The following IER3IP1 variants were observed in gnomAD, a reference collection of about 807,000 sequenced individuals.
IER3IP1 encodes immediate early response 3-interacting protein 1.
Under a neutral mutation model 12.2 loss-of-function variants are expected in IER3IP1, and 16 were observed. The ratio of observed to expected loss-of-function variants is 1.31; its 90% CI spans 0.89 to 1.99. The LOEUF (loss-of-function observed/expected upper bound fraction) is 1.99. Ranked by LOEUF, IER3IP1 falls within the 30% of genes most tolerant of loss-of-function variation. IER3IP1 has a pLI of 0.00. For missense variants in IER3IP1, 95 were observed against 95.8 expected (o/e 0.99, Z 0.03); for synonymous variants, 42 against 40.0 (o/e 1.05, Z -0.19).
Position 47,156,167 on chromosome 18 carries a change from C to A in IER3IP1, c.*10G>T, listed in dbSNP as rs1237026027. The A allele has an allele frequency of 6.7e-7, 1 of 1,490,522 alleles. No individual in the cohort carries two copies. Among genetic ancestry groups the A allele is most frequent in the Non-Finnish European group, 9.4e-7 (1 of 1,067,676 alleles). 92.3% of individuals were successfully genotyped at this position (1,490,522 alleles called of 1,614,324 possible). A position where few individuals can be genotyped will look rare whatever the true frequency, so the allele number is the denominator to read the frequency against. ...GTCCTCTTCTGAGTCTCCATTTTCT[C>A]CACTGATATTCATCCAAATAATAAA... is the stretch of plus-strand genomic sequence containing the variant. On this transcript the variant is annotated 3_prime_UTR_variant, in exon 3 of 3. Transcript: ENST00000256433.
intron 1 of IER3IP1, among the ~76,000 whole-genome samples, chr18:47,168,125 C>CAAAAAAAAAAAA (rs1161198067): frequency 7.9e-5 from 2 of 25,162 alleles, no homozygotes; most frequent in African/African-American, 3.4e-4. Flanking sequence ...GACTCCGTCT[C>CAAAAAAAAAAAA]AAAAAAAAAA....
In IER3IP1 at chr18:47,155,979, T is replaced by G. The variant is rs545480696; in HGVS notation, c.*198A>C. 1.3e-4 allele frequency: 73 copies of G among 549,360 alleles called. No homozygotes were observed. The highest frequency in any genetic ancestry group is 2.0e-4 in the Non-Finnish European group (61 of 309,630). The allele number at this position is 549,360 out of a possible 1,614,324, so 34.0% of individuals were successfully genotyped here. Reference sequence around the variant, plus strand: ...CCTGGAGAGTTACTGCCTTTCATGATCTGATCTTTTGTAATGAAACTACAA... The same window carrying G: ...CCTGGAGAGTTACTGCCTTTCATGAGCTGATCTTTTGTAATGAAACTACAA... On this transcript the variant is annotated 3_prime_UTR_variant, in exon 3 of 3. Coordinates refer to ENST00000256433, the MANE Select transcript of IER3IP1 (RefSeq NM_016097.5).
At chr18:47,165,716 C>T (rs563872017) in intron 1 of IER3IP1, among the ~76,000 whole-genome samples, 1 of 152,268 alleles carries the variant, frequency 6.6e-6, no homozygotes, top group East Asian at 1.9e-4. Flanking sequence ...ATATATTGGT[C>T]TAGAGCCATC....
intron 1 of IER3IP1, among the ~76,000 whole-genome samples, chr18:47,163,171 T>G (rs2063985182): frequency 6.6e-6 from 1 of 152,192 alleles, no homozygotes; most frequent in African/African-American, 2.4e-5. Flanking sequence ...TTAATAACAG[T>G]AACTCATAAT....
chr18:47,159,019 G>C (rs546376283), intron 1 of IER3IP1, among the ~76,000 whole-genome samples: 1 of 151,942 alleles, frequency 6.6e-6, no homozygotes, highest in Non-Finnish European at 1.5e-5. Context: ...AAACACAACA[G>C]AACACTTCAA....
In IER3IP1 at chr18:47,153,496, A is replaced by T. The variant is rs1429563997; in HGVS notation, c.*2681T>A. Reference sequence around the variant, plus strand: ...GGGGTTTGGCACAGATTATTTCGTTATCCAGGTGCTAAGCCTAGTACCCAG... The same window carrying T: ...GGGGTTTGGCACAGATTATTTCGTTTTCCAGGTGCTAAGCCTAGTACCCAG... On this transcript the variant is annotated 3_prime_UTR_variant, in exon 3 of 3. Coordinates refer to ENST00000256433, the MANE Select transcript of IER3IP1 (RefSeq NM_016097.5). 2 of 151,490 alleles carry T rather than the reference A, an allele frequency of 1.3e-5. No homozygotes were observed. The highest frequency in any genetic ancestry group is 2.9e-5 in the Non-Finnish European group (2 of 67,986). The allele number at this position is 151,490 out of a possible 1,614,324, so 9.4% of individuals were successfully genotyped here.
chr18:47,176,165 C>G, intron 1 of IER3IP1, 22 bp downstream of exon 1: 1 of 1,569,746 alleles, frequency 6.4e-7, no homozygotes, highest in Non-Finnish European at 8.6e-7. Flanking sequence ...CGCCCCAGCC[C>G]GCGCCCCGCG....
chr18:47,171,622 T>G (rs2064015710), intron 1 of IER3IP1, among the ~76,000 whole-genome samples: 1 of 152,244 alleles, frequency 6.6e-6, no homozygotes, highest in Admixed American at 6.5e-5. Context: ...GGAATCAGCT[T>G]TTGGTTTTGT....
intron 1 of IER3IP1, 150 bp downstream of exon 1, chr18:47,176,037 A>G (rs1401868480): frequency 1.4e-6 from 1 of 720,132 alleles, no homozygotes; most frequent in Non-Finnish European, 2.4e-6. Context: ...CCCAAACCTG[A>G]TGAGAGGAAA....
intron 1 of IER3IP1, among the ~76,000 whole-genome samples, chr18:47,161,611 A>C (rs1568071853): frequency 6.6e-6 from 1 of 151,956 alleles, no homozygotes; most frequent in Non-Finnish European, 1.5e-5. Context: ...ACACCCTTCC[A>C]AGTATTCCTA....
chr18:47,160,980 T>C (rs1312940294), intron 1 of IER3IP1, among the ~76,000 whole-genome samples: 1 of 152,232 alleles, frequency 6.6e-6, no homozygotes, highest in Non-Finnish European at 1.5e-5. Flanking sequence ...TTAATTCTAT[T>C]GTGTGACACA....
chr18:47,166,218 T>C (rs994089254), intron 1 of IER3IP1, among the ~76,000 whole-genome samples: 1 of 152,198 alleles, frequency 6.6e-6, no homozygotes, highest in African/African-American at 2.4e-5. Context: ...AGAATACACA[T>C]ATCCCTCATA....
intron 1 of IER3IP1, among the ~76,000 whole-genome samples, chr18:47,160,540 G>C (rs1257184368): frequency 6.6e-6 from 1 of 152,176 alleles, no homozygotes; most frequent in Non-Finnish European, 1.5e-5. Context: ...CCACTCACCT[G>C]AATTTCCCAC....
intron 1 of IER3IP1, among the ~76,000 whole-genome samples, chr18:47,158,577 A>G (rs2063969086): frequency 6.6e-6 from 1 of 151,396 alleles, no homozygotes; most frequent in African/African-American, 2.4e-5. Flanking sequence ...CCTGGGCTCA[A>G]GCGATCGACC....
chr18:47,171,259 G>A (rs2064014422), intron 1 of IER3IP1, among the ~76,000 whole-genome samples: 1 of 152,132 alleles, frequency 6.6e-6, no homozygotes. Flanking sequence ...TTTATAGGTT[G>A]CTAGATTTAG....
At chr18:47,159,630 A>C (rs1027384465) in intron 1 of IER3IP1, among the ~76,000 whole-genome samples, 26 of 152,234 alleles carry the variant, frequency 1.7e-4, no homozygotes, top group Admixed American at 9.8e-4. Context: ...GAAAAAGAAG[A>C]AAGCTGAAAA....
At position 47,172,838 on chromosome 18, in the gene IER3IP1, A is replaced by G. The variant is rs2064019604; in HGVS notation, c.91+3349T>C. 1.3e-5 allele frequency among the ~76,000 whole-genome samples: 2 copies of G among 151,956 alleles called. No homozygotes were observed. Among genetic ancestry groups the G allele is most frequent in the African/African-American group, 2.4e-5 (1 of 41,352 alleles). ...GTAGTATCTCTTCAAACACTTCCTG[A>G]CTCTGGTGAAATCCCACTGTCTAGG... On this transcript the variant is annotated intron_variant, in intron 1 of 2. Transcript: ENST00000256433. This position sits in a 1 kb window ranked among gnomAD's most constrained non-coding sequence, Gnocchi z 4.0.
At chr18:47,158,584 G>C in intron 1 of IER3IP1, among the ~76,000 whole-genome samples, 1 of 151,428 alleles carries the variant, frequency 6.6e-6, no homozygotes, top group African/African-American at 2.4e-5. Flanking sequence ...TCAAGCGATC[G>C]ACCCACTTTG....
intron 2 of IER3IP1, 130 bp downstream of exon 2, chr18:47,157,306 C>A: frequency 2.9e-6 from 2 of 692,586 alleles, no homozygotes; most frequent in Admixed American, 2.7e-5. Context: ...AACTTTCAAG[C>A]AGCAAAGCCA....
Sources: allele counts gnomAD v4.1 joint callset (sites outside exome capture counted in the v4.1 genomes callset), GRCh38; gene constraint gnomAD v4.1.1; non-coding constraint Gnocchi (gnomAD v3.1); transcripts MANE v1.5; gene names NCBI Gene and HGNC (gene_info 2026-07-23, HGNC 2026-07-21).